Variants in PCDHGA9 observed in about 807,000 individuals in gnomAD.
PCDHGA9 encodes the protein protocadherin gamma subfamily A, 9.
Under a neutral mutation model 62.5 loss-of-function variants are expected in PCDHGA9, and 37 were observed. The ratio of observed to expected loss-of-function variants is 0.59; its 90% CI spans 0.46 to 0.78. The LOEUF (loss-of-function observed/expected upper bound fraction) is 0.78, where lower values mean the gene tolerates loss of function less well. Ranked by LOEUF, PCDHGA9 falls within the 30% of genes least tolerant of loss-of-function variation. The pLI, the probability that PCDHGA9 is intolerant of heterozygous loss-of-function variation, is 0.00. For synonymous variants in PCDHGA9, 459 were observed against 484.6 expected (o/e 0.95, Z 0.69); for missense variants, 1,138 against 1,166.2 (o/e 0.98, Z 0.35).
At chr5:141,456,899 G>T (rs1592472053) in intron 1 of PCDHGA9, among the ~76,000 whole-genome samples, 1 of 152,212 alleles carries the variant, frequency 6.6e-6, no homozygotes, top group East Asian at 1.9e-4. Context: ...GGAGGCAGAG[G>T]TTGCAGTGAG....
intron 2 of PCDHGA9, among the ~76,000 whole-genome samples, chr5:141,501,061 G>T (rs746369272): frequency 1.5e-4 from 23 of 152,118 alleles, no homozygotes; most frequent in Non-Finnish European, 2.1e-4. Flanking sequence ...TAGAGACGGG[G>T]TTTCACCATG....
rs759346998 is a variant in PCDHGA9, at chr5:141,410,849, C to CTTTTTTTTTTTTTTTTTTTTTTTTTTTTT, written c.2424+5495_2424+5496insTTTTTTTTTTTTTTTTTTTTTTTTTTTTT. 5.4e-5 allele frequency: 7 copies of CTTTTTTTTTTTTTTTTTTTTTTTTTTTTT among 129,786 alleles called. 2 individuals carry two copies. The highest frequency in any genetic ancestry group is 3.0e-4 in the African/African-American group (5 of 16,598). 8.0% of individuals were successfully genotyped at this position (129,786 alleles called of 1,614,324 possible). A position where few individuals can be genotyped will look rare whatever the true frequency, so the allele number is the denominator to read the frequency against. ...CAGACTGAAGATATTTTGTCTTTGT[C>CTTTTTTTTTTTTTTTTTTTTTTTTTTTTT]TTTTTTTTTTTTTTTTTTTTTTGAG... On this transcript the variant is annotated intron_variant, in intron 1 of 3. Transcript: ENST00000573521.
At chr5:141,430,661 G>A in intron 1 of PCDHGA9, 1 of 1,159,744 alleles carries the variant, frequency 8.6e-7, no homozygotes, top group South Asian at 2.1e-5. Context: ...CAACGGAGGA[G>A]CTCTGACTTC....
At chr5:141,464,218 T>C (rs1464478430) in intron 1 of PCDHGA9, among the ~76,000 whole-genome samples, 1 of 150,958 alleles carries the variant, frequency 6.6e-6, no homozygotes, top group Non-Finnish European at 1.5e-5. Flanking sequence ...TGAGCTGAGA[T>C]TGCGCCACTG....
chr5:141,468,463 T>G (rs574151637), intron 1 of PCDHGA9: 6 of 152,282 alleles, frequency 3.9e-5, no homozygotes, highest in African/African-American at 1.4e-4. Flanking sequence ...AGCAAGTTAT[T>G]TCTGAGGAGA....
intron 1 of PCDHGA9, chr5:141,414,168 T>C: frequency 6.2e-7 from 1 of 1,605,598 alleles, no homozygotes; most frequent in Non-Finnish European, 8.5e-7. Context: ...GAGGAGCATA[T>C]CTTGCAACTG....
intron 1 of PCDHGA9, chr5:141,409,600 G>T (rs778681839): frequency 6.8e-6 from 11 of 1,613,882 alleles, no homozygotes; most frequent in Admixed American, 1.7e-5. Flanking sequence ...AGAACAACCC[G>T]CCAGGAGCCT....
chr5:141,481,658 T>C (rs910422064), intron 1 of PCDHGA9, among the ~76,000 whole-genome samples: 2 of 150,554 alleles, frequency 1.3e-5, no homozygotes, highest in East Asian at 2.0e-4. Context: ...TCTCTACTAA[T>C]AATACAAAAA....
intron 1 of PCDHGA9, among the ~76,000 whole-genome samples, chr5:141,468,089 T>C (rs1349447353): frequency 6.6e-6 from 1 of 151,010 alleles, no homozygotes; most frequent in Non-Finnish European, 1.5e-5. Context: ...CTTTGGGAGG[T>C]TGAGGCAGGC....
chr5:141,488,866 G>C (rs957501628), intron 1 of PCDHGA9, among the ~76,000 whole-genome samples: 1 of 152,148 alleles, frequency 6.6e-6, no homozygotes, highest in East Asian at 1.9e-4. Context: ...GAAGTGAGTG[G>C]GGAGGTAGGA....
At chr5:141,483,122 A>G (rs1159736878) in intron 1 of PCDHGA9, among the ~76,000 whole-genome samples, 1 of 152,166 alleles carries the variant, frequency 6.6e-6, no homozygotes, top group Non-Finnish European at 1.5e-5. Context: ...CAGTCTTTGT[A>G]GGAGATGAGG....
intron 1 of PCDHGA9, among the ~76,000 whole-genome samples, chr5:141,462,903 T>A (rs1455334521): frequency 6.6e-6 from 1 of 152,208 alleles, no homozygotes; most frequent in Non-Finnish European, 1.5e-5. Context: ...GGAAGGCTAT[T>A]ATGTTTTTTG....
chr5:141,489,174 C>A lies in PCDHGA9; in HGVS notation c.2425-5633C>A. On this transcript the variant is annotated intron_variant, in intron 1 of 3. Coordinates refer to ENST00000573521, the MANE Select transcript of PCDHGA9 (RefSeq NM_018921.3). The surrounding 1 kb of genome is among the most constrained non-coding windows in gnomAD (Gnocchi z 4.5). ...ATAAGAGACTTCAGCTGCTGCATTC[C>A]AAGCCCTGGGTCTACCTTGGAGACA... The A allele has an allele frequency of 8.2e-7, 1 of 1,224,772 alleles. No individual in the cohort carries two copies. 75.9% of individuals were successfully genotyped at this position (1,224,772 alleles called of 1,614,324 possible).
Position 141,403,218 on chromosome 5 carries a change from G to A in PCDHGA9, c.266G>A (p.Arg89Lys). The A allele has an allele frequency of 6.2e-7, 1 of 1,613,968 alleles. No homozygotes were observed. ...AGCGGCACCTTGGTCACCGCGGGTA[G>A]GATAGACCGGGAGGAGCTCTGTGCT... ...PRSGTLVTAG[R>K]IDREELCAQS... The change falls in exon 1 of 4, where the codon AGG becomes AAG. Residue 89 changes from arginine to lysine, a missense_variant. Arg to Lys is a conservative substitution (Grantham distance 26). Coordinates refer to ENST00000573521, the MANE Select transcript of PCDHGA9 (RefSeq NM_018921.3).
At position 141,485,677 on chromosome 5, in the gene PCDHGA9, C is replaced by T. The variant is rs757797282; in HGVS notation, c.2425-9130C>T. ...CAGATGTGGGGAGCAATTCGATTAG[C>T]AGCTATAGGCTGAGCTCCAATGAAC... On this transcript the variant is annotated intron_variant, in intron 1 of 3. Transcript: ENST00000573521. This position sits in a 1 kb window ranked among gnomAD's most constrained non-coding sequence, Gnocchi z 5.7. 2.4e-5 allele frequency: 38 copies of T among 1,612,714 alleles called. No individual in the cohort carries two copies. In the East Asian group the frequency reaches 7.8e-4, roughly 33 times the overall value.
chr5:141,457,172 T>C (rs1425263344), intron 1 of PCDHGA9, among the ~76,000 whole-genome samples: 1 of 152,212 alleles, frequency 6.6e-6, no homozygotes, highest in East Asian at 1.9e-4. Context: ...ATAACCCTAT[T>C]GCAAATAGTA....
rs746408347 is a variant in PCDHGA9 at position 141,486,293 on chromosome 5, G to A, written c.2425-8514G>A. ...TGGCACTGTGGTGGCACTTATCAGT[G>A]TGCAGGATCCAGACTCAGGGTCAAA... On this transcript the variant is annotated intron_variant, in intron 1 of 3. Transcript: ENST00000573521. This position sits in a 1 kb window ranked among gnomAD's most constrained non-coding sequence, Gnocchi z 5.0. The A allele has an allele frequency of 3.1e-6, 5 of 1,614,018 alleles. No homozygotes were observed. In the Admixed American group the frequency reaches 8.3e-5, roughly 27 times the overall value.
intron 1 of PCDHGA9, chr5:141,423,181 C>T: frequency 1.2e-6 from 2 of 1,613,578 alleles, no homozygotes; most frequent in East Asian, 2.2e-5. Flanking sequence ...GGACCACGGC[C>T]AGCCCCCTCT....
intron 1 of PCDHGA9, among the ~76,000 whole-genome samples, chr5:141,473,069 A>G (rs552033483): frequency 3.9e-4 from 59 of 152,180 alleles, no homozygotes; most frequent in South Asian, 8.3e-4. Flanking sequence ...AAGTTACAGC[A>G]TCTTTGTTTA....
Sources: allele counts gnomAD v4.1 joint callset (sites outside exome capture counted in the v4.1 genomes callset), GRCh38; gene constraint gnomAD v4.1.1; non-coding constraint Gnocchi (gnomAD v3.1); transcripts MANE v1.5; gene names NCBI Gene and HGNC (gene_info 2026-07-23, HGNC 2026-07-21).